The following POU2AF2 variants were observed in gnomAD, a reference collection of about 807,000 sequenced individuals.
POU2AF2 encodes the protein POU class 2 homeobox associating factor 2.
the POU2AF2 span, among the ~76,000 whole-genome samples, chr11:111,275,155 C>A: frequency 6.6e-6 from 1 of 152,132 alleles, no homozygotes; most frequent in Admixed American, 6.5e-5. Context: ...TGTGTTAAAA[C>A]CAGGAAGGTA....
the POU2AF2 span, among the ~76,000 whole-genome samples, chr11:111,262,999 A>G: frequency 6.6e-6 from 1 of 152,182 alleles, no homozygotes; most frequent in East Asian, 1.9e-4. Flanking sequence ...TTGCTTTTCA[A>G]ATCATTATTA....
chr11:111,250,134 C>T, the POU2AF2 span, among the ~76,000 whole-genome samples: 1 of 152,112 alleles, frequency 6.6e-6, no homozygotes, highest in Admixed American at 6.5e-5. Flanking sequence ...ACTCTTTCCC[C>T]GACCTTCTTG....
the POU2AF2 span, among the ~76,000 whole-genome samples, chr11:111,271,959 G>A: frequency 4.1e-3 from 622 of 152,314 alleles, 10 homozygotes; most frequent in East Asian, 8.7e-3. Context: ...GGAGGTTGCA[G>A]TGAGCCAAGA....
the POU2AF2 span, among the ~76,000 whole-genome samples, chr11:111,259,814 T>C: frequency 3.3e-5 from 5 of 152,234 alleles, no homozygotes; most frequent in South Asian, 1.0e-3. Flanking sequence ...ATCTTTAACT[T>C]CCTGTCCCCA....
the POU2AF2 span, among the ~76,000 whole-genome samples, chr11:111,271,942 A>C: frequency 6.6e-6 from 1 of 152,152 alleles, no homozygotes; most frequent in East Asian, 1.9e-4. Flanking sequence ...ACTTGAACCC[A>C]GGAGGTGGAG....
the POU2AF2 span, among the ~76,000 whole-genome samples, chr11:111,271,868 T>A: frequency 6.6e-6 from 1 of 151,674 alleles, no homozygotes; most frequent in Admixed American, 6.6e-5. Flanking sequence ...AAAAAAAAAA[T>A]TAGCCGGGCA....
At chr11:111,254,498 A>C in the POU2AF2 span, among the ~76,000 whole-genome samples, 1 of 152,180 alleles carries the variant, frequency 6.6e-6, no homozygotes, top group Non-Finnish European at 1.5e-5. Context: ...TTTGCCTTCT[A>C]ATCCTCTGAA....
the POU2AF2 span, among the ~76,000 whole-genome samples, chr11:111,259,408 C>T: frequency 2.6e-5 from 4 of 151,676 alleles, no homozygotes; most frequent in Admixed American, 6.6e-5. Context: ...CTCTGCCTCC[C>T]GGGCTCAAGC....
chr11:111,262,955 A>G, the POU2AF2 span, among the ~76,000 whole-genome samples: 1 of 152,150 alleles, frequency 6.6e-6, no homozygotes, highest in African/African-American at 2.4e-5. Context: ...AACTATTCCA[A>G]GTGGTCTGTT....
At chr11:111,259,595 C>T in the POU2AF2 span, among the ~76,000 whole-genome samples, 1 of 152,070 alleles carries the variant, frequency 6.6e-6, no homozygotes, top group Non-Finnish European at 1.5e-5. Context: ...GGATTACAGG[C>T]GTGAGCCACC....
chr11:111,261,571 G>A, the POU2AF2 span, among the ~76,000 whole-genome samples: 2 of 151,940 alleles, frequency 1.3e-5, no homozygotes, highest in Non-Finnish European at 2.9e-5. Context: ...TGACATGAGG[G>A]GGGAAAAATG....
the POU2AF2 span, among the ~76,000 whole-genome samples, chr11:111,246,808 CT>C: frequency 8.5e-5 from 13 of 152,238 alleles, 1 homozygote; most frequent in East Asian, 2.1e-3. Context: ...CACTTAGTTA[CT>C]TTTTTGTGAC....
chr11:111,260,629 C>T, the POU2AF2 span, among the ~76,000 whole-genome samples: 3 of 152,124 alleles, frequency 2.0e-5, no homozygotes, highest in Non-Finnish European at 4.4e-5. Context: ...GAATATCTAC[C>T]AGTAGCCACC....
chr11:111,275,314 G>A, the POU2AF2 span, among the ~76,000 whole-genome samples: 2 of 152,230 alleles, frequency 1.3e-5, no homozygotes, highest in Non-Finnish European at 2.9e-5. Context: ...AAAGCTGGGG[G>A]TAGGGGCAGA....
At chr11:111,274,223 C>G in the POU2AF2 span, among the ~76,000 whole-genome samples, 3 of 152,066 alleles carry the variant, frequency 2.0e-5, no homozygotes, top group Non-Finnish European at 4.4e-5. Flanking sequence ...CCTTCCCAGC[C>G]CCATGCAGGC....
At chr11:111,247,404 G>A in the POU2AF2 span, among the ~76,000 whole-genome samples, 1 of 152,198 alleles carries the variant, frequency 6.6e-6, no homozygotes, top group South Asian at 2.1e-4. Context: ...GATACCTACA[G>A]TGTGGGCAAA....
At chr11:111,252,192 A>C in the POU2AF2 span, among the ~76,000 whole-genome samples, 1 of 152,202 alleles carries the variant, frequency 6.6e-6, no homozygotes. Flanking sequence ...TCAGTCAGTC[A>C]GATACTCCCC....
At chr11:111,271,089 G>A in the POU2AF2 span, among the ~76,000 whole-genome samples, 5 of 152,174 alleles carry the variant, frequency 3.3e-5, no homozygotes, top group African/African-American at 9.7e-5. Context: ...TTGGGAGACC[G>A]AGGTGGGTGG....
the POU2AF2 span, among the ~76,000 whole-genome samples, chr11:111,269,314 T>C: frequency 1.3e-5 from 2 of 152,212 alleles, no homozygotes; most frequent in African/African-American, 4.8e-5. Context: ...AATGCTTTAC[T>C]AAGCCTTTCT....
Sources: gnomAD v4.1 joint callset for allele counts (sites outside exome capture counted in the v4.1 genomes callset) on GRCh38, gnomAD v4.1.1 for gene constraint, MANE v1.5 for transcripts, NCBI Gene and HGNC (gene_info 2026-07-23, HGNC 2026-07-21) for gene names.